QTMAN: variants seen among roughly 807,000 people sequenced by gnomAD.
The protein encoded by QTMAN is tRNA-queuosine alpha-mannosyltransferase.
chr2:144,284,686 C>T, the QTMAN span, among the ~76,000 whole-genome samples: 4 of 152,014 alleles, frequency 2.6e-5, no homozygotes, highest in Non-Finnish European at 4.4e-5. Flanking sequence ...ATTAAAGTAC[C>T]TTAACTAACT....
chr2:144,048,162 A>G, the QTMAN span, among the ~76,000 whole-genome samples: 1 of 152,314 alleles, frequency 6.6e-6, no homozygotes, highest in East Asian at 1.9e-4. Flanking sequence ...GGGGGTGGTC[A>G]ACAAATTCAT....
the QTMAN span, among the ~76,000 whole-genome samples, chr2:144,022,275 C>A: frequency 2.0e-5 from 3 of 151,532 alleles, no homozygotes; most frequent in Admixed American, 2.0e-4. Context: ...ATATCTCTTT[C>A]CTATTTTCTT....
At chr2:144,145,696 C>T in the QTMAN span, 5 of 1,611,510 alleles carry the variant, frequency 3.1e-6, no homozygotes, top group Non-Finnish European at 4.2e-6. Flanking sequence ...GGCCGAAGGG[C>T]AGCCAGTTCG....
chr2:143,986,946 AG>A, the QTMAN span, among the ~76,000 whole-genome samples: 1 of 152,200 alleles, frequency 6.6e-6, no homozygotes, highest in Non-Finnish European at 1.5e-5. Context: ...ATCAAACAAA[AG>A]GAAGTTTTGG....
the QTMAN span, among the ~76,000 whole-genome samples, chr2:144,282,736 T>A: frequency 6.6e-6 from 1 of 152,250 alleles, no homozygotes; most frequent in Non-Finnish European, 1.5e-5. Context: ...GGAGCATCTT[T>A]TTTTCTAATG....
At chr2:144,119,231 A>AG in the QTMAN span, among the ~76,000 whole-genome samples, 1 of 152,304 alleles carries the variant, frequency 6.6e-6, no homozygotes, top group African/African-American at 2.4e-5. Context: ...AGGTATTGAG[A>AG]GGCAGCAAGG....
At chr2:144,074,623 A>C in the QTMAN span, among the ~76,000 whole-genome samples, 2 of 152,224 alleles carry the variant, frequency 1.3e-5, no homozygotes, top group East Asian at 3.8e-4. Context: ...GGAACTTGAG[A>C]TATAATCCAG....
At chr2:144,211,586 G>GA in the QTMAN span, 1 of 152,564 alleles carries the variant, frequency 6.6e-6, no homozygotes, top group African/African-American at 2.4e-5. Flanking sequence ...CAATCTGGAA[G>GA]AAAGATGATT....
the QTMAN span, among the ~76,000 whole-genome samples, chr2:144,143,894 A>G: frequency 6.6e-6 from 1 of 151,940 alleles, no homozygotes; most frequent in African/African-American, 2.4e-5. Flanking sequence ...TGCCAAAAAA[A>G]GCAGAAGTCA....
At chr2:144,328,818 TATG>T in the QTMAN span, among the ~76,000 whole-genome samples, 1 of 152,192 alleles carries the variant, frequency 6.6e-6, no homozygotes, top group African/African-American at 2.4e-5. Context: ...CTATTACCTC[TATG>T]ACTCTACATG....
the QTMAN span, among the ~76,000 whole-genome samples, chr2:144,096,322 T>C: frequency 2.0e-5 from 3 of 152,234 alleles, no homozygotes; most frequent in Non-Finnish European, 2.9e-5. Context: ...AGTGAAGATA[T>C]CCACTTAAAA....
the QTMAN span, among the ~76,000 whole-genome samples, chr2:143,989,770 A>T: frequency 6.6e-6 from 1 of 152,164 alleles, no homozygotes; most frequent in Admixed American, 6.5e-5. Context: ...ACTGCAGAGC[A>T]GGAGTTGCCA....
chr2:144,176,294 G>A, the QTMAN span, among the ~76,000 whole-genome samples: 73 of 152,230 alleles, frequency 4.8e-4, no homozygotes, highest in African/African-American at 1.7e-3. Flanking sequence ...TTAACCAAAT[G>A]TAACAGCTAC....
the QTMAN span, among the ~76,000 whole-genome samples, chr2:143,977,544 A>G: frequency 7.9e-5 from 12 of 152,260 alleles, no homozygotes; most frequent in East Asian, 2.3e-3. Flanking sequence ...AAGAGCCTCG[A>G]GAGATTCCTG....
chr2:144,280,028 T>C, the QTMAN span, among the ~76,000 whole-genome samples: 2 of 152,194 alleles, frequency 1.3e-5, no homozygotes, highest in Non-Finnish European at 2.9e-5. Context: ...AAATGTTGCC[T>C]TGGACTGGTA....
At chr2:144,251,187 T>TA in the QTMAN span, among the ~76,000 whole-genome samples, 1 of 152,214 alleles carries the variant, frequency 6.6e-6, no homozygotes, top group African/African-American at 2.4e-5. Flanking sequence ...ATGTATTTTT[T>TA]AAAAAACATC....
the QTMAN span, among the ~76,000 whole-genome samples, chr2:144,051,450 T>C: frequency 3.3e-5 from 5 of 151,932 alleles, no homozygotes; most frequent in Non-Finnish European, 7.4e-5. Flanking sequence ...AGCCCAGGAG[T>C]TCAAGGCTGT....
the QTMAN span, among the ~76,000 whole-genome samples, chr2:144,050,993 G>A: frequency 6.6e-6 from 1 of 152,238 alleles, no homozygotes; most frequent in Non-Finnish European, 1.5e-5. Context: ...AACTGTAAAT[G>A]TGATTATTAA....
the QTMAN span, among the ~76,000 whole-genome samples, chr2:144,301,757 G>T: frequency 6.6e-6 from 1 of 152,118 alleles, no homozygotes; most frequent in South Asian, 2.1e-4. Flanking sequence ...TAAACGCCAG[G>T]TTCCACAAAC....
Sources: allele counts gnomAD v4.1 joint callset (sites outside exome capture counted in the v4.1 genomes callset), GRCh38; gene constraint gnomAD v4.1.1; transcripts MANE v1.5; gene names NCBI Gene and HGNC (gene_info 2026-07-23, HGNC 2026-07-21).